The following MED27 variants were observed in gnomAD, a reference collection of about 807,000 sequenced individuals.
MED27 encodes mediator of RNA polymerase II transcription subunit 27.
In MED27, 30 loss-of-function variants were observed where a neutral mutation model predicts 38.2. The observed-to-expected ratio is 0.79, with a 90% CI of 0.59 to 1.07. The LOEUF is 1.07. Among genes scored for constraint, MED27 ranks in the 50% least tolerant of loss-of-function variants. The pLI is 0.00. For synonymous variants in MED27, 122 were observed against 153.5 expected, an observed-to-expected ratio of 0.79 and a Z score of 1.52; for missense variants, 289 against 397.5, an observed-to-expected ratio of 0.73 and a Z score of 2.32.
intron 3 of MED27, among the ~76,000 whole-genome samples, chr9:132,000,063 CTCAAAAGTAAAATCACTTTTGA>C (rs369164130): frequency 0.26 from 31,333 of 121,166 alleles, 7,518 homozygotes; most frequent in African/African-American, 0.49. Context: ...ACCTGTATTT[CTCAAAAGTAAAATCACTTTTGA>C]TCAAAAGTAA....
intron 4 of MED27, among the ~76,000 whole-genome samples, chr9:131,906,689 T>A (rs1830069173): frequency 6.6e-6 from 1 of 152,128 alleles, no homozygotes; most frequent in African/African-American, 2.4e-5. Flanking sequence ...GGGATCCTGA[T>A]CCAGACCCCG....
intron 3 of MED27, among the ~76,000 whole-genome samples, chr9:131,968,267 GGTTCGAGACCA>G (rs1831396604): frequency 6.6e-6 from 1 of 151,978 alleles, no homozygotes; most frequent in African/African-American, 2.4e-5. Context: ...TGAACCCCGA[GGTTCGAGACCA>G]GTCTGGACAA....
At position 132,079,625 on chromosome 9, in the gene MED27, C is replaced by T. The variant is rs770835775; in HGVS notation, c.203+17G>A. ...CGGGGCCGGTCCCCGACCCCGGCCC[C>T]TTCAGCCGGTACCTACTTGAGGTCC... On this transcript the variant is annotated intron_variant, in intron 1 of 7. Transcript: ENST00000292035. 10 of 1,612,208 alleles carry T rather than the reference C, an allele frequency of 6.2e-6. No individual in the cohort carries two copies. The highest frequency in any genetic ancestry group is 8.5e-6 in the Non-Finnish European group (10 of 1,179,764).
At chr9:131,934,487 A>C (rs1830646191) in intron 4 of MED27, among the ~76,000 whole-genome samples, 1 of 152,244 alleles carries the variant, frequency 6.6e-6, no homozygotes, top group South Asian at 2.1e-4. Flanking sequence ...ATCCGAATAG[A>C]TATTTCTCAA....
At chr9:131,863,204 G>A in intron 6 of MED27, 64 bp from the exon 7 acceptor site, 1 of 1,331,810 alleles carries the variant, frequency 7.5e-7, no homozygotes. Context: ...AAACAAGCAG[G>A]ACAAATGCAC....
At chr9:131,985,071 T>C (rs1346793838) in intron 3 of MED27, among the ~76,000 whole-genome samples, 1 of 152,208 alleles carries the variant, frequency 6.6e-6, no homozygotes, top group African/African-American at 2.4e-5. Context: ...TATTTATTGA[T>C]ATTGCAGGTG....
intron 3 of MED27, among the ~76,000 whole-genome samples, chr9:131,948,078 G>C (rs757968418): frequency 4.6e-5 from 7 of 152,222 alleles, no homozygotes; most frequent in Non-Finnish European, 7.3e-5. Flanking sequence ...GCTGAAGAAA[G>C]AGATTGGAAG....
Position 131,861,983 on chromosome 9 carries a change from G to A in MED27, c.801+1080C>T, listed in dbSNP as rs1838659865. ...GAAAGGGGGCATTACAACGTGTTAG[G>A]CTCAAAAGCAAGTCTTTATATCTAT... On this transcript the variant is annotated intron_variant, in intron 7 of 7. Transcript: ENST00000292035. This position sits in a 1 kb window ranked among gnomAD's most constrained non-coding sequence, Gnocchi z 4.4. 6.6e-6 allele frequency among the ~76,000 whole-genome samples: 1 copy of A among 152,112 alleles called. No homozygotes were observed. Among genetic ancestry groups the A allele is most frequent in the Non-Finnish European group, 1.5e-5 (1 of 68,020 alleles).
At chr9:131,881,732 A>C (rs1045425052) in intron 6 of MED27, among the ~76,000 whole-genome samples, 3 of 141,968 alleles carry the variant, frequency 2.1e-5, no homozygotes, top group Non-Finnish European at 3.1e-5. Flanking sequence ...CTTTATTTGG[A>C]TTTCACCAGT....
chr9:132,045,631 T>C (rs1391599745), intron 2 of MED27, among the ~76,000 whole-genome samples: 1 of 152,228 alleles, frequency 6.6e-6, no homozygotes, highest in Non-Finnish European at 1.5e-5. Context: ...AACAAACAGA[T>C]ATAATTCCAA....
intron 2 of MED27, among the ~76,000 whole-genome samples, chr9:132,030,088 T>C (rs1271030682): frequency 6.6e-6 from 1 of 152,102 alleles, no homozygotes; most frequent in Non-Finnish European, 1.5e-5. Context: ...GGGAGGGATG[T>C]GAAAAGGTGT....
chr9:131,978,145 C>T (rs1190321482), intron 3 of MED27, among the ~76,000 whole-genome samples: 1 of 152,122 alleles, frequency 6.6e-6, no homozygotes, highest in Admixed American at 6.5e-5. Context: ...ACCAAATCTA[C>T]AGTATAGACC....
intron 4 of MED27, among the ~76,000 whole-genome samples, chr9:131,898,144 T>G (rs114383220): frequency 6.6e-6 from 1 of 150,532 alleles, no homozygotes; most frequent in Non-Finnish European, 1.5e-5. Context: ...AGGGCTATAG[T>G]AGTTTATGGA....
chr9:132,027,064 A>G (rs571339119), intron 2 of MED27, among the ~76,000 whole-genome samples: 46 of 152,348 alleles, frequency 3.0e-4, no homozygotes, highest in South Asian at 6.2e-4. Context: ...AAATGAGTAA[A>G]TGAATACATT....
At chr9:131,891,638 A>G (rs1564271156) in intron 5 of MED27, among the ~76,000 whole-genome samples, 1 of 152,142 alleles carries the variant, frequency 6.6e-6, no homozygotes, top group Non-Finnish European at 1.5e-5. Flanking sequence ...ACATCTATTA[A>G]TATCCTACTT....
intron 2 of MED27, among the ~76,000 whole-genome samples, chr9:132,022,943 C>T (rs1206538108): frequency 6.6e-6 from 1 of 152,272 alleles, no homozygotes; most frequent in South Asian, 2.1e-4. Context: ...CCTCCCTCAA[C>T]ACCTGGGGAT....
At chr9:131,927,904 T>C (rs1223525213) in intron 4 of MED27, among the ~76,000 whole-genome samples, 1 of 152,134 alleles carries the variant, frequency 6.6e-6, no homozygotes, top group Non-Finnish European at 1.5e-5. Flanking sequence ...CGTCAGGAGC[T>C]TCTTGGCAGG....
chr9:131,876,346 T>A (rs888248017), intron 6 of MED27, among the ~76,000 whole-genome samples: 1 of 152,030 alleles, frequency 6.6e-6, no homozygotes, highest in African/African-American at 2.4e-5. Flanking sequence ...CCTCAGAAAG[T>A]CAACAGGATG....
intron 3 of MED27, among the ~76,000 whole-genome samples, chr9:131,975,764 C>T (rs1167539359): frequency 6.6e-6 from 1 of 152,204 alleles, no homozygotes; most frequent in Non-Finnish European, 1.5e-5. Context: ...TCAGGATCAA[C>T]TGGCTGCAAA....
Sources: allele counts gnomAD v4.1 joint callset (sites outside exome capture counted in the v4.1 genomes callset), GRCh38; gene constraint gnomAD v4.1.1; non-coding constraint Gnocchi (gnomAD v3.1); transcripts MANE v1.5; gene names NCBI Gene and HGNC (gene_info 2026-07-23, HGNC 2026-07-21).